Variants in CACNG2 observed in about 807,000 individuals in gnomAD.
CACNG2 encodes voltage-dependent calcium channel gamma-2 subunit.
CACNG2 carries 3 observed loss-of-function variants against 25.9 expected under a neutral mutation model. The ratio of observed to expected loss-of-function variants is 0.12; its 90% CI spans 0.05 to 0.30. CACNG2 has a LOEUF of 0.30. Ranked by LOEUF, CACNG2 falls within the 10% of genes least tolerant of loss-of-function variation. The probability of loss-of-function intolerance (pLI) is 1.00; values close to 1 mark genes in which losing one functional copy is unlikely to be tolerated. For missense variants in CACNG2, 341 were observed against 432.5 expected (o/e 0.79, Z 1.88); for synonymous variants, 167 against 173.3 (o/e 0.96, Z 0.29).
At chr22:36,655,813 T>G (rs919645128) in intron 1 of CACNG2, among the ~76,000 whole-genome samples, 1 of 146,076 alleles carries the variant, frequency 6.8e-6, no homozygotes, top group Non-Finnish European at 1.5e-5. Context: ...CTTTCTTTCT[T>G]TTTTTTTTTT....
chr22:36,637,001 G>T (rs1374442147), intron 1 of CACNG2, among the ~76,000 whole-genome samples: 1 of 152,214 alleles, frequency 6.6e-6, no homozygotes, highest in Non-Finnish European at 1.5e-5. Flanking sequence ...GTTCTGGCTG[G>T]CAAGGACCCA....
In CACNG2 at chr22:36,564,150, TC is replaced by T; in HGVS notation, c.*200del. The stretch of plus-strand genomic sequence containing the variant: ...CTTCTTTGTTCCTCTTATATTTTGT[TC>T]TTTTTTTTAAAATTTACTTGTTATG... On this transcript the variant is annotated 3_prime_UTR_variant, in exon 4 of 4. Coordinates refer to ENST00000300105, the MANE Select transcript of CACNG2 (RefSeq NM_006078.5). This position sits in a 1 kb window ranked among gnomAD's most constrained non-coding sequence, Gnocchi z 6.7. 1 of 487,062 alleles carries T rather than the reference TC, an allele frequency of 2.1e-6. No individual in the cohort carries two copies. The highest frequency in any genetic ancestry group is 3.6e-6 in the Non-Finnish European group (1 of 280,174). The allele number at this position is 487,062 out of a possible 1,614,324, so 30.2% of individuals were successfully genotyped here. A position where few individuals can be genotyped will look rare whatever the true frequency, so the allele number is the denominator to read the frequency against.
At chr22:36,694,400 G>A (rs533295437) in intron 1 of CACNG2, among the ~76,000 whole-genome samples, 1 of 152,190 alleles carries the variant, frequency 6.6e-6, no homozygotes, top group Non-Finnish European at 1.5e-5. Flanking sequence ...CTGGGGGCTG[G>A]CTAGGCCATC....
chr22:36,692,378 C>G (rs553095790), intron 1 of CACNG2, among the ~76,000 whole-genome samples: 11 of 152,272 alleles, frequency 7.2e-5, no homozygotes, highest in Admixed American at 7.2e-4. Context: ...CCCAGGGTTG[C>G]TAAGTCAGTG....
At chr22:36,612,516 G>A (rs1489668975) in intron 1 of CACNG2, among the ~76,000 whole-genome samples, 1 of 152,154 alleles carries the variant, frequency 6.6e-6, no homozygotes, top group East Asian at 1.9e-4. Context: ...GTTTTTACCA[G>A]CCAATATCTT....
intron 1 of CACNG2, among the ~76,000 whole-genome samples, chr22:36,700,897 T>C (rs897180966): frequency 2.6e-5 from 4 of 152,174 alleles, no homozygotes; most frequent in Non-Finnish European, 5.9e-5. Context: ...ATTCAAAACA[T>C]GTTCAGCCAT....
chr22:36,603,307 A>T (rs1405717572), intron 1 of CACNG2, among the ~76,000 whole-genome samples: 1 of 152,128 alleles, frequency 6.6e-6, no homozygotes, highest in Non-Finnish European at 1.5e-5. Context: ...AAAAGCTGGA[A>T]GCTAGCAGAG....
At chr22:36,605,083 C>A (rs999519702) in intron 1 of CACNG2, among the ~76,000 whole-genome samples, 1 of 151,548 alleles carries the variant, frequency 6.6e-6, no homozygotes, top group African/African-American at 2.4e-5. Flanking sequence ...CCCAACATAA[C>A]TTTTTTTTTG....
intron 1 of CACNG2, among the ~76,000 whole-genome samples, chr22:36,654,786 A>C (rs1272690417): frequency 6.6e-6 from 1 of 152,216 alleles, no homozygotes; most frequent in Non-Finnish European, 1.5e-5. Context: ...CTAGAACTTC[A>C]GATTATTACA....
At chr22:36,585,672 T>C (rs1216312963) in intron 2 of CACNG2, among the ~76,000 whole-genome samples, 7 of 152,196 alleles carry the variant, frequency 4.6e-5, no homozygotes, top group Non-Finnish European at 1.0e-4. Context: ...TCTGATTCTT[T>C]ACAGAAAAAG....
At chr22:36,611,745 G>T (rs145601413) in intron 1 of CACNG2, among the ~76,000 whole-genome samples, 2 of 152,260 alleles carry the variant, frequency 1.3e-5, no homozygotes, top group Non-Finnish European at 2.9e-5. Flanking sequence ...TAGCACTGTG[G>T]CCGGCGTCTG....
At chr22:36,586,987 C>G (rs1163314003) in intron 2 of CACNG2, among the ~76,000 whole-genome samples, 2 of 150,582 alleles carry the variant, frequency 1.3e-5, no homozygotes, top group African/African-American at 4.9e-5. Context: ...AAGTTCCAAT[C>G]TGGCACTGCC....
intron 1 of CACNG2, among the ~76,000 whole-genome samples, chr22:36,659,328 G>A (rs964399293): frequency 6.6e-6 from 1 of 152,080 alleles, no homozygotes; most frequent in Non-Finnish European, 1.5e-5. Context: ...GTGGGGAGAG[G>A]GCTGTCCCCC....
rs1321154135 is a variant in CACNG2 at position 36,564,421 on chromosome 22, TTGTGAACC to T, written c.894_901del (p.Val299LeufsTer83). On this transcript the variant is annotated frameshift_variant, in exon 4 of 4. Coordinates refer to ENST00000300105, the MANE Select transcript of CACNG2 (RefSeq NM_006078.5). LOFTEE classifies it high-confidence loss of function. This position sits in a 1 kb window ranked among gnomAD's most constrained non-coding sequence, Gnocchi z 6.7. ...GTCCTTGTTCTCCTTCTGGATACAGTTGTGAACCTGGAGGAAGCTGTTATCCCTGTCGG... is the reference window on the plus strand; with the variant it reads ...GTCCTTGTTCTCCTTCTGGATACAGTTGGAGGAAGCTGTTATCCCTGTCGG... The T allele has an allele frequency of 1.2e-6, 2 of 1,613,872 alleles. No homozygotes were observed. Among genetic ancestry groups the T allele is most frequent in the African/African-American group, 2.7e-5 (2 of 74,864 alleles).
At chr22:36,589,105 G>A (rs549547872) in intron 1 of CACNG2, among the ~76,000 whole-genome samples, 1 of 150,412 alleles carries the variant, frequency 6.6e-6, no homozygotes, top group South Asian at 2.1e-4. Flanking sequence ...ATTCTCCTGC[G>A]TCAGCCTCCT....
intron 1 of CACNG2, among the ~76,000 whole-genome samples, chr22:36,664,828 G>A (rs1936851647): frequency 6.6e-6 from 1 of 152,208 alleles, no homozygotes; most frequent in South Asian, 2.1e-4. Context: ...AAAATTAAGA[G>A]AGGAATTTCC....
At chr22:36,647,754 T>C (rs1294331446) in intron 1 of CACNG2, among the ~76,000 whole-genome samples, 1 of 152,240 alleles carries the variant, frequency 6.6e-6, no homozygotes, top group East Asian at 1.9e-4. Context: ...TGCTCCCCTT[T>C]TACATAGTTA....
intron 1 of CACNG2, among the ~76,000 whole-genome samples, chr22:36,679,065 C>T (rs1467829360): frequency 6.6e-6 from 1 of 152,186 alleles, no homozygotes; most frequent in Non-Finnish European, 1.5e-5. Context: ...TTAACTGATA[C>T]TCAGTTATTA....
At chr22:36,613,318 G>A (rs1935974616) in intron 1 of CACNG2, among the ~76,000 whole-genome samples, 1 of 152,080 alleles carries the variant, frequency 6.6e-6, no homozygotes, top group Non-Finnish European at 1.5e-5. Flanking sequence ...AAAGCAAAAT[G>A]CAAAGGTTTC....
Sources: allele counts gnomAD v4.1 joint callset (sites outside exome capture counted in the v4.1 genomes callset), GRCh38; gene constraint gnomAD v4.1.1; non-coding constraint Gnocchi (gnomAD v3.1); transcripts MANE v1.5; gene names NCBI Gene and HGNC (gene_info 2026-07-23, HGNC 2026-07-21).